The following SYT16 variants were observed in gnomAD, a reference collection of about 807,000 sequenced individuals.
SYT16 encodes synaptotagmin 16.
A neutral mutation model predicts 61.4 loss-of-function variants in SYT16; 42 were observed. That is an observed-to-expected ratio of 0.68 (90% confidence interval 0.53 to 0.89). The LOEUF is 0.89. Among genes scored for constraint, SYT16 ranks in the 40% least tolerant of loss-of-function variants. SYT16 has a pLI of 0.00. For synonymous variants in SYT16, 314 were observed against 302.3 expected, an observed-to-expected ratio of 1.04 and a Z score of -0.40; for missense variants, 804 against 807.3, an observed-to-expected ratio of 1.00 and a Z score of 0.05.
intron 1 of SYT16, among the ~76,000 whole-genome samples, chr14:61,820,060 G>A (rs1010665731): frequency 6.6e-6 from 1 of 152,216 alleles, no homozygotes; most frequent in African/African-American, 2.4e-5. Flanking sequence ...TTTTTTGTGT[G>A]TGAGGAATAT....
chr14:62,060,053 G>T (rs1171947740), intron 3 of SYT16, among the ~76,000 whole-genome samples: 11 of 151,888 alleles, frequency 7.2e-5, no homozygotes, highest in African/African-American at 2.7e-4. Context: ...CAGATAGGTG[G>T]GTCCCCCTAC....
At chr14:62,076,317 T>A (rs1000522538) in intron 5 of SYT16, among the ~76,000 whole-genome samples, 3 of 152,108 alleles carry the variant, frequency 2.0e-5, no homozygotes, top group Non-Finnish European at 4.4e-5. Context: ...AAACCTTTAA[T>A]ATAATTTGCA....
chr14:61,986,608 C>T (rs373123657), intron 2 of SYT16, among the ~76,000 whole-genome samples: 2 of 152,058 alleles, frequency 1.3e-5, no homozygotes. Flanking sequence ...CTCCTCCCCC[C>T]ACCCCACAAC....
intron 2 of SYT16, among the ~76,000 whole-genome samples, chr14:61,995,643 G>C (rs1353048966): frequency 6.6e-6 from 1 of 152,044 alleles, no homozygotes; most frequent in African/African-American, 2.4e-5. Context: ...CTCAGTCCAC[G>C]TGAACAGAAC....
intron 1 of SYT16, among the ~76,000 whole-genome samples, chr14:61,902,337 C>A (rs901494730): frequency 2.0e-5 from 3 of 152,184 alleles, no homozygotes; most frequent in Non-Finnish European, 2.9e-5. Flanking sequence ...TTCTCCCATG[C>A]GCCTGATAAA....
At chr14:62,100,297 A>G in intron 7 of SYT16, 97 bp from the exon 8 acceptor site, 1 of 1,099,356 alleles carries the variant, frequency 9.1e-7, no homozygotes, top group East Asian at 2.6e-5. Context: ...TGAAAGGAGA[A>G]ATTTGTAGCC....
chr14:61,858,160 A>G (rs1022737256), intron 1 of SYT16, among the ~76,000 whole-genome samples: 1 of 151,590 alleles, frequency 6.6e-6, no homozygotes, highest in African/African-American at 2.4e-5. Flanking sequence ...AAAAAAGAAA[A>G]AAAAAATTGG....
At chr14:62,095,914 G>A (rs371904546) in intron 7 of SYT16, among the ~76,000 whole-genome samples, 1 of 151,958 alleles carries the variant, frequency 6.6e-6, no homozygotes, top group African/African-American at 2.4e-5. Context: ...GTTATAAAAT[G>A]ATTATAATAA....
intron 1 of SYT16, among the ~76,000 whole-genome samples, chr14:61,903,015 T>G (rs552644872): frequency 6.6e-6 from 1 of 152,336 alleles, no homozygotes; most frequent in African/African-American, 2.4e-5. Flanking sequence ...ATCAGTTTTT[T>G]ACCAACAATA....
At chr14:61,888,147 C>T (rs1277267846) in intron 1 of SYT16, among the ~76,000 whole-genome samples, 10 of 133,476 alleles carry the variant, frequency 7.5e-5, no homozygotes, top group East Asian at 2.1e-4. Flanking sequence ...TTTTTTGAGA[C>T]GGAATCTCAC....
intron 1 of SYT16, among the ~76,000 whole-genome samples, chr14:61,951,979 A>G (rs1218227611): frequency 6.6e-6 from 1 of 151,988 alleles, no homozygotes; most frequent in Admixed American, 6.6e-5. Context: ...CAGTAGAGAC[A>G]GGTTTCGCCA....
intron 3 of SYT16, among the ~76,000 whole-genome samples, chr14:62,024,212 C>G (rs2054015374): frequency 6.6e-6 from 1 of 151,962 alleles, no homozygotes; most frequent in Admixed American, 6.6e-5. Flanking sequence ...TGCAAAATAG[C>G]TAGAGTTTCA....
At chr14:62,029,216 C>A (rs1003704215) in intron 3 of SYT16, among the ~76,000 whole-genome samples, 4 of 152,192 alleles carry the variant, frequency 2.6e-5, no homozygotes, top group African/African-American at 9.7e-5. Context: ...GCAACCTCTG[C>A]CTCCCCGGTT....
chr14:62,087,365 C>T (rs889413438), intron 7 of SYT16, among the ~76,000 whole-genome samples: 1 of 152,198 alleles, frequency 6.6e-6, no homozygotes, highest in African/African-American at 2.4e-5. Context: ...CTGCAGAGTC[C>T]ACCACAGGGT....
intron 3 of SYT16, among the ~76,000 whole-genome samples, chr14:62,019,522 C>T (rs1177825253): frequency 6.6e-6 from 1 of 152,146 alleles, no homozygotes; most frequent in Non-Finnish European, 1.5e-5. Flanking sequence ...AGAAGCTGTA[C>T]AAACCCAGGC....
At chr14:62,065,685 G>A (rs964576384) in intron 3 of SYT16, among the ~76,000 whole-genome samples, 1 of 152,150 alleles carries the variant, frequency 6.6e-6, no homozygotes, top group Non-Finnish European at 1.5e-5. Context: ...CACTCCAATT[G>A]TTGTCTAATC....
chr14:61,886,898 CT>C (rs377557650), intron 1 of SYT16, among the ~76,000 whole-genome samples: 51,912 of 97,570 alleles, frequency 0.53, 10,231 homozygotes, highest in East Asian at 0.7. Flanking sequence ...TTTTTTTTGT[CT>C]TTTTTTTTTT....
At chr14:62,014,057 C>T (rs149994014) in intron 3 of SYT16, among the ~76,000 whole-genome samples, 5 of 152,238 alleles carry the variant, frequency 3.3e-5, no homozygotes, top group African/African-American at 1.2e-4. Flanking sequence ...CTCCCTGCCA[C>T]TCCTAGTCAT....
chr14:61,930,200 C>G (rs1346046340), intron 1 of SYT16, among the ~76,000 whole-genome samples: 1 of 152,130 alleles, frequency 6.6e-6, no homozygotes, highest in Admixed American at 6.6e-5. Context: ...CTGCTCCTAT[C>G]TCTCACTTCA....
Sources: gnomAD v4.1 joint callset for allele counts (sites outside exome capture counted in the v4.1 genomes callset) on GRCh38, gnomAD v4.1.1 for gene constraint, MANE v1.5 for transcripts, NCBI Gene and HGNC (gene_info 2026-07-23, HGNC 2026-07-21) for gene names.